SLCO1C1: variants seen among roughly 807,000 people sequenced by gnomAD.
SLCO1C1 encodes solute carrier organic anion transporter family member 1C1.
A neutral mutation model predicts 76.4 loss-of-function variants in SLCO1C1; 70 were observed. The ratio of observed to expected loss-of-function variants is 0.92; its 90% CI spans 0.76 to 1.12. SLCO1C1 has a LOEUF of 1.12. Among genes scored for constraint, SLCO1C1 ranks in the 50% most tolerant of loss-of-function variants. The probability of loss-of-function intolerance (pLI) is 0.00; values close to 1 mark genes in which losing one functional copy is unlikely to be tolerated. For synonymous variants in SLCO1C1, 306 were observed against 286.1 expected, an observed-to-expected ratio of 1.07 and a Z score of -0.70; for missense variants, 912 against 823.8, an observed-to-expected ratio of 1.11 and a Z score of -1.31.
At chr12:20,704,904 C>T (rs979580011) in intron 3 of SLCO1C1, among the ~76,000 whole-genome samples, 5 of 151,830 alleles carry the variant, frequency 3.3e-5, no homozygotes, top group African/African-American at 1.2e-4. Context: ...CTTTAAAGCC[C>T]CTTGAAGTCT....
At chr12:20,732,874 G>A in intron 9 of SLCO1C1, 35 bp from the exon 10 acceptor site, 2 of 1,605,522 alleles carry the variant, frequency 1.2e-6, no homozygotes, top group Non-Finnish European at 1.7e-6. Flanking sequence ...CTTTTTTAGA[G>A]ATTCACAAAA....
chr12:20,744,085 A>G (rs529559138), intron 13 of SLCO1C1, among the ~76,000 whole-genome samples: 60 of 152,240 alleles, frequency 3.9e-4, no homozygotes, highest in African/African-American at 1.4e-3. Context: ...GTTTACATAG[A>G]TCTTGATATA....
intron 9 of SLCO1C1, among the ~76,000 whole-genome samples, chr12:20,728,796 T>C (rs1474917926): frequency 6.6e-6 from 1 of 152,036 alleles, no homozygotes; most frequent in African/African-American, 2.4e-5. Flanking sequence ...ACATCCTTCA[T>C]AACTCCTTTT....
chr12:20,706,221 A>G (rs1441943130), intron 4 of SLCO1C1, 140 bp downstream of exon 4: 7 of 1,106,780 alleles, frequency 6.3e-6, no homozygotes, highest in Non-Finnish European at 8.6e-6. Flanking sequence ...TTTGGATAAA[A>G]TTTCACAACA....
chr12:20,716,132 A>G (rs1947350064), intron 6 of SLCO1C1, among the ~76,000 whole-genome samples: 1 of 152,206 alleles, frequency 6.6e-6, no homozygotes, highest in African/African-American at 2.4e-5. Context: ...TCCACTGTAT[A>G]ATCTTGCCTT....
intron 10 of SLCO1C1, among the ~76,000 whole-genome samples, chr12:20,735,170 C>T (rs1053225839): frequency 6.6e-6 from 1 of 151,960 alleles, no homozygotes; most frequent in Non-Finnish European, 1.5e-5. Context: ...TGGGTTTTTC[C>T]ATGTTGCTTT....
chr12:20,713,620 G>T (rs1947237254), intron 5 of SLCO1C1, among the ~76,000 whole-genome samples: 1 of 152,106 alleles, frequency 6.6e-6, no homozygotes, highest in Non-Finnish European at 1.5e-5. Flanking sequence ...TCCTAAAGCT[G>T]ATAAGGATCT....
Position 20,715,138 on chromosome 12 carries a change from G to A in SLCO1C1, c.530-1G>A. On this transcript the variant is annotated splice_acceptor_variant, in intron 5 of 14. Coordinates refer to ENST00000266509, the MANE Select transcript of SLCO1C1 (RefSeq NM_017435.5). LOFTEE classifies it high-confidence loss of function. ...ATCCTCTGGTTTGCCTTTCTTTCAA[G>A]AATGTGAAGTGGACACTAGCTCTTC... is the stretch of plus-strand genomic sequence containing the variant. 6.2e-7 allele frequency: 1 copy of A among 1,613,668 alleles called. No homozygotes were observed. Among genetic ancestry groups the A allele is most frequent in the Non-Finnish European group, 8.5e-7 (1 of 1,179,810 alleles).
intron 3 of SLCO1C1, among the ~76,000 whole-genome samples, chr12:20,705,710 T>G (rs1359289578): frequency 6.6e-6 from 1 of 152,070 alleles, no homozygotes. Context: ...ATAATTAGGT[T>G]GGGTGAAGTG....
intron 5 of SLCO1C1, among the ~76,000 whole-genome samples, chr12:20,714,766 A>C (rs1947284579): frequency 1.3e-5 from 2 of 152,188 alleles, no homozygotes; most frequent in Non-Finnish European, 2.9e-5. Flanking sequence ...AAGAACTAAA[A>C]ATTAAGGTGA....
chr12:20,721,198 T>G (rs1947651916), intron 7 of SLCO1C1, among the ~76,000 whole-genome samples: 1 of 152,138 alleles, frequency 6.6e-6, no homozygotes, highest in East Asian at 1.9e-4. Context: ...GACTCCAATT[T>G]TGAAAGAAGT....
intron 4 of SLCO1C1, among the ~76,000 whole-genome samples, chr12:20,709,361 CCA>C (rs1946943947): frequency 6.6e-6 from 1 of 151,960 alleles, no homozygotes; most frequent in South Asian, 2.1e-4. Flanking sequence ...AGATAAGCTG[CCA>C]GTTATTTGAA....
intron 3 of SLCO1C1, among the ~76,000 whole-genome samples, chr12:20,702,798 A>G (rs1946584538): frequency 6.6e-6 from 1 of 151,898 alleles, no homozygotes; most frequent in Non-Finnish European, 1.5e-5. Context: ...TAGAGCAGAT[A>G]TGAGCAGGCA....
At chr12:20,724,076 C>T (rs1303215887) in intron 9 of SLCO1C1, among the ~76,000 whole-genome samples, 3 of 151,960 alleles carry the variant, frequency 2.0e-5, no homozygotes, top group South Asian at 2.1e-4. Flanking sequence ...ATATAATTGA[C>T]AGTTTTAAAA....
intron 2 of SLCO1C1, chr12:20,699,923 C>A (rs965688289): frequency 2.6e-6 from 1 of 389,068 alleles, no homozygotes; most frequent in Non-Finnish European, 4.5e-6. Flanking sequence ...AATGCCCCCC[C>A]AAACAGAAAA....
At chr12:20,702,377 C>G (rs907323953) in intron 3 of SLCO1C1, among the ~76,000 whole-genome samples, 1 of 151,890 alleles carries the variant, frequency 6.6e-6, no homozygotes, top group African/African-American at 2.4e-5. Context: ...CTTTTGCCTT[C>G]AGGCATTTGC....
intron 12 of SLCO1C1, 72 bp from the exon 13 acceptor site, chr12:20,743,233 G>A: frequency 1.4e-6 from 2 of 1,391,886 alleles, no homozygotes; most frequent in Non-Finnish European, 2.0e-6. Flanking sequence ...ATGTTAGGCA[G>A]ATTATCCTTC....
intron 9 of SLCO1C1, among the ~76,000 whole-genome samples, chr12:20,731,383 C>T (rs1447311675): frequency 7.3e-6 from 1 of 136,992 alleles, no homozygotes; most frequent in African/African-American, 2.8e-5. Context: ...AATATATAAA[C>T]TTAAAAAGAA....
intron 10 of SLCO1C1, among the ~76,000 whole-genome samples, chr12:20,733,406 C>G (rs548692557): frequency 6.6e-6 from 1 of 152,280 alleles, no homozygotes; most frequent in East Asian, 1.9e-4. Context: ...ATGCCTCTGT[C>G]TATTCTTAAT....
Sources: allele counts gnomAD v4.1 joint callset (sites outside exome capture counted in the v4.1 genomes callset), GRCh38; gene constraint gnomAD v4.1.1; transcripts MANE v1.5; gene names NCBI Gene and HGNC (gene_info 2026-07-23, HGNC 2026-07-21).